The following SASH1 variants were observed in gnomAD, a reference collection of about 807,000 sequenced individuals.
The protein encoded by SASH1 is SAM and SH3 domain containing 1.
A neutral mutation model predicts 125.2 loss-of-function variants in SASH1; 44 were observed. That is an observed-to-expected ratio of 0.35 (90% CI 0.28 to 0.45). The LOEUF (loss-of-function observed/expected upper bound fraction) is 0.45. Ranked by LOEUF, SASH1 falls within the 20% of genes least tolerant of loss-of-function variation. SASH1 has a pLI of 1.00. For synonymous variants in SASH1, 639 were observed against 649.1 expected (o/e 0.98, Z 0.24); for missense variants, 1,426 against 1,614.5 (o/e 0.88, Z 2.00).
At chr6:148,199,676 G>A in the SASH1 span, among the ~76,000 whole-genome samples, 1 of 151,896 alleles carries the variant, frequency 6.6e-6, no homozygotes, top group Admixed American at 6.6e-5. Context: ...CAGCCTGGGT[G>A]ACAGAGCAAG....
rs963917660 is a variant in SASH1, at chr6:148,507,245, A to G, written c.730-7079A>G. On this transcript the variant is annotated intron_variant, in intron 8 of 19. Transcript: ENST00000367467. Reference sequence around the variant, plus strand: ...GCCAGCCCGCCCAGGGAAGAAGAGCAGGACAAGAGCCGAGGAAAAGGGGAT... The same window carrying G: ...GCCAGCCCGCCCAGGGAAGAAGAGCGGGACAAGAGCCGAGGAAAAGGGGAT... Among the ~76,000 whole-genome samples, 53 of 152,322 alleles carry G rather than the reference A, an allele frequency of 3.5e-4. 1 individual carries two copies. Among genetic ancestry groups the G allele is most frequent in the Admixed American group, 1.8e-3 (28 of 15,294 alleles).
In SASH1 at chr6:148,519,482, TAAAG is replaced by T. The variant is rs537984551; in HGVS notation, c.863-59_863-56del. On this transcript the variant is annotated intron_variant, in intron 9 of 19. Transcript: ENST00000367467. The surrounding 1 kb of genome is among the most constrained non-coding windows in gnomAD (Gnocchi z 4.8). ...ATGATACGGAGAAAGGTGGTGAATG[TAAAG>T]AAAGATGTATGCAAGAATGCAAAGG... 39 of 1,218,546 alleles carry T rather than the reference TAAAG, an allele frequency of 3.2e-5. No homozygotes were observed. The South Asian group carries it at 5.2e-4, about 16-fold the overall frequency. 75.5% of individuals were successfully genotyped at this position (1,218,546 alleles called of 1,614,324 possible).
At chr6:148,512,021 A>ATTT (rs1780167753) in intron 8 of SASH1, among the ~76,000 whole-genome samples, 1 of 151,240 alleles carries the variant, frequency 6.6e-6, no homozygotes, top group African/African-American at 2.4e-5. Context: ...TTATTTATTT[A>ATTT]TTTATTTATT....
chr6:148,362,271 G>A (rs1782264377), intron 1 of SASH1, among the ~76,000 whole-genome samples: 2 of 150,594 alleles, frequency 1.3e-5, no homozygotes. Context: ...CGCTCAGGCT[G>A]GAGTGCAGTG....
intron 4 of SASH1, among the ~76,000 whole-genome samples, chr6:148,446,364 T>C (rs913934928): frequency 1.3e-5 from 2 of 152,244 alleles, no homozygotes; most frequent in Admixed American, 6.5e-5. Flanking sequence ...CGCCTTGGCC[T>C]CCTAAAGTGC....
At chr6:148,407,432 T>C (rs1784421951) in intron 2 of SASH1, among the ~76,000 whole-genome samples, 1 of 152,216 alleles carries the variant, frequency 6.6e-6, no homozygotes, top group African/African-American at 2.4e-5. Flanking sequence ...TGAGGCTGAA[T>C]AATATTTCCT....
At chr6:148,295,512 T>TC (rs1779742161) in intron 1 of SASH1, among the ~76,000 whole-genome samples, 1 of 152,138 alleles carries the variant, frequency 6.6e-6, no homozygotes, top group African/African-American at 2.4e-5. Flanking sequence ...CAGCTTCTTC[T>TC]CCCTTGGAGA....
intron 1 of SASH1, among the ~76,000 whole-genome samples, chr6:148,360,362 T>G (rs1180771874): frequency 6.6e-6 from 1 of 151,560 alleles, no homozygotes; most frequent in South Asian, 2.1e-4. Context: ...TTTTTTTTTT[T>G]TTCGAGACAG....
chr6:148,233,192 C>T, the SASH1 span, among the ~76,000 whole-genome samples: 1 of 145,214 alleles, frequency 6.9e-6, no homozygotes, highest in African/African-American at 2.6e-5. Flanking sequence ...CCAGCCTGGG[C>T]AACAAGAGAG....
chr6:148,470,435 C>A (rs1423838832), intron 5 of SASH1, among the ~76,000 whole-genome samples: 1 of 151,796 alleles, frequency 6.6e-6, no homozygotes, highest in Non-Finnish European at 1.5e-5. Context: ...ACCAGACAGA[C>A]AACAAGTGGT....
chr6:148,546,112 G>A lies in SASH1; in HGVS notation c.3446G>A (p.Arg1149Gln), dbSNP rs774685560. The change falls in exon 19 of 20, where the codon CGG becomes CAG. Residue 1149 changes from arginine to glutamine, a missense_variant. Arg to Gln is a conservative substitution (Grantham distance 43, BLOSUM62 1). Transcript: ENST00000367467. ...RDVAANMDQI[R>Q]VKQLRKQHRM... ...GTCGCCGCCAACATGGACCAGATCC[G>A]GGTGAAGCAGCTTCGGAAGCAGCAC... The A allele has an allele frequency of 5.6e-6, 9 of 1,614,096 alleles. No individual in the cohort carries two copies. Among genetic ancestry groups the A allele is most frequent in the Admixed American group, 1.7e-5 (1 of 60,006 alleles).
chr6:148,272,681 A>C lies in SASH1; in HGVS notation n.74+304A>C, dbSNP rs139045379. ...ACTCTAAAAAAGGTTTTGTAAGCCA[A>C]GAAAAGTTTTTCCTGTTAAAGACCA... On this transcript the variant is annotated intron_variant and non_coding_transcript_variant, in intron 1 of 3. Coordinates refer to the SASH1 transcript ENST00000367469. Among the ~76,000 whole-genome samples, 811 of 152,338 alleles carry C rather than the reference A, an allele frequency of 5.3e-3. 12 individuals carry two copies. The highest frequency in any genetic ancestry group is 0.018 in the African/African-American group (768 of 41,576).
intron 1 of SASH1, among the ~76,000 whole-genome samples, chr6:148,312,052 A>T (rs1780345211): frequency 6.6e-6 from 1 of 152,202 alleles, no homozygotes; most frequent in Non-Finnish European, 1.5e-5. Flanking sequence ...AAAGCTGCAT[A>T]CTGTATGATT....
chr6:148,403,838 T>C (rs1236580152), intron 2 of SASH1, among the ~76,000 whole-genome samples: 3 of 152,210 alleles, frequency 2.0e-5, no homozygotes, highest in Non-Finnish European at 4.4e-5. Context: ...CACCTTCCCA[T>C]AGTGTTTTTT....
chr6:148,379,143 G>T (rs1011337502), intron 1 of SASH1, among the ~76,000 whole-genome samples: 1 of 152,136 alleles, frequency 6.6e-6, no homozygotes, highest in African/African-American at 2.4e-5. Flanking sequence ...AAAGCAAAGT[G>T]CATGCCCTCT....
At chr6:148,297,140 A>C (rs1779786364) in intron 1 of SASH1, among the ~76,000 whole-genome samples, 1 of 152,268 alleles carries the variant, frequency 6.6e-6, no homozygotes, top group Non-Finnish European at 1.5e-5. Context: ...ACTATGGTTC[A>C]TTCAGCACAG....
chr6:148,319,717 T>C (rs1780590326), intron 1 of SASH1, among the ~76,000 whole-genome samples: 2 of 152,058 alleles, frequency 1.3e-5, no homozygotes, highest in South Asian at 4.1e-4. Flanking sequence ...TTTCTCCATG[T>C]TGGTCAGGCT....
At chr6:148,209,533 G>T in the SASH1 span, among the ~76,000 whole-genome samples, 3 of 152,192 alleles carry the variant, frequency 2.0e-5, no homozygotes, top group African/African-American at 7.2e-5. Context: ...AGTCCTGGAA[G>T]AAATGCTGGG....
Position 148,544,228 on chromosome 6 carries a change from C to T in SASH1, c.2758C>T (p.Arg920Cys), listed in dbSNP as rs77160924. ...GGAGGGCTCAATCGCAGCCTCTGGTCGCGGCCTGTCACCCCCTCAGTGTTT... is the reference window on the plus strand; with the variant it reads ...GGAGGGCTCAATCGCAGCCTCTGGTTGCGGCCTGTCACCCCCTCAGTGTTT... Reference protein sequence around the residue: ...KLEGSIAASGRGLSPPQCLPR... With the variant: ...KLEGSIAASGCGLSPPQCLPR... The change falls in exon 18 of 20, where the codon CGC (arginine) becomes TGC (cysteine). Residue 920 changes from arginine to cysteine, a missense_variant. Physicochemically the swap from Arg to Cys is radical, Grantham distance 180. Transcript: ENST00000367467. The surrounding 1 kb of genome is among the most constrained non-coding windows in gnomAD (Gnocchi z 6.4). The T allele has an allele frequency of 4.6e-4, 748 of 1,614,146 alleles. 2 individuals carry two copies. The highest frequency in any genetic ancestry group is 4.3e-3 in the African/African-American group (321 of 75,058).
Sources: gnomAD v4.1 joint callset for allele counts (sites outside exome capture counted in the v4.1 genomes callset) on GRCh38, gnomAD v4.1.1 for gene constraint, Gnocchi (gnomAD v3.1) non-coding constraint, MANE v1.5 for transcripts, NCBI Gene and HGNC (gene_info 2026-07-23, HGNC 2026-07-21) for gene names.